Variants in PTPRN2 observed in about 807,000 individuals in gnomAD.
PTPRN2 encodes protein tyrosine phosphatase receptor type N2.
Under a neutral mutation model 118.8 loss-of-function variants are expected in PTPRN2, and 74 were observed. That is an observed-to-expected ratio of 0.62 (90% CI 0.52 to 0.76). PTPRN2 has a LOEUF of 0.76. Among genes scored for constraint, PTPRN2 ranks in the 30% least tolerant of loss-of-function variants. The pLI is 0.00. For synonymous variants in PTPRN2, 641 were observed against 608.0 expected (o/e 1.05, Z -0.80); for missense variants, 1,481 against 1,394.4 (o/e 1.06, Z -0.99).
intron 5 of PTPRN2, among the ~76,000 whole-genome samples, chr7:158,181,081 A>G (rs1221355234): frequency 1.3e-5 from 2 of 152,122 alleles, no homozygotes; most frequent in African/African-American, 4.8e-5. Flanking sequence ...TGGGTTTATC[A>G]TATATGGCTT....
rs151081559 is a variant in PTPRN2 at position 157,990,106 on chromosome 7, C to G, written c.1723+91192G>C. 1.3e-5 allele frequency among the ~76,000 whole-genome samples: 2 copies of G among 152,054 alleles called. No homozygotes were observed. Among genetic ancestry groups the G allele is most frequent in the Non-Finnish European group, 2.9e-5 (2 of 68,020 alleles). On this transcript the variant is annotated intron_variant, in intron 11 of 22. Transcript: ENST00000389418. The surrounding 1 kb of genome is among the most constrained non-coding windows in gnomAD (Gnocchi z 4.3). ...AAGAAAAATGCAAGTTGCTCTTCTG[C>G]GCTCCAAATACACCGAGACGAAAAC...
chr7:158,450,250 C>T (rs774745260), intron 2 of PTPRN2, among the ~76,000 whole-genome samples: 44 of 152,372 alleles, frequency 2.9e-4, no homozygotes, highest in Admixed American at 3.9e-4. Flanking sequence ...GGCCCAAAGG[C>T]CTCTCCTCCC....
chr7:157,980,734 C>G (rs1367049608), intron 11 of PTPRN2, among the ~76,000 whole-genome samples: 1 of 152,192 alleles, frequency 6.6e-6, no homozygotes, highest in East Asian at 1.9e-4. Context: ...GCCTGAGCAA[C>G]AGAGCAAGAC....
At chr7:158,344,620 T>C (rs1169282011) in intron 2 of PTPRN2, among the ~76,000 whole-genome samples, 1 of 151,902 alleles carries the variant, frequency 6.6e-6, no homozygotes, top group African/African-American at 2.4e-5. Flanking sequence ...ATGAGTGAGA[T>C]GTAAAAATCA....
At chr7:158,040,367 A>G (rs891981841) in intron 11 of PTPRN2, among the ~76,000 whole-genome samples, 18 of 151,764 alleles carry the variant, frequency 1.2e-4, no homozygotes, top group African/African-American at 4.4e-4. Flanking sequence ...ACACATGCAC[A>G]CACACACGTG....
intron 12 of PTPRN2, among the ~76,000 whole-genome samples, chr7:157,696,929 C>T (rs530821809): frequency 1.7e-5 from 2 of 115,094 alleles, no homozygotes; most frequent in African/African-American, 3.3e-5. Context: ...GAGCCCTCAC[C>T]GTCTACTCAT....
intron 12 of PTPRN2, among the ~76,000 whole-genome samples, chr7:157,725,796 G>A (rs1169407934): frequency 3.2e-4 from 39 of 122,188 alleles, no homozygotes; most frequent in African/African-American, 1.6e-3. Flanking sequence ...TCACCTCCCA[G>A]GAGAACTGGA....
At chr7:158,228,953 G>T (rs1441000830) in intron 3 of PTPRN2, among the ~76,000 whole-genome samples, 1 of 152,048 alleles carries the variant, frequency 6.6e-6, no homozygotes, top group Non-Finnish European at 1.5e-5. Context: ...CTGCAACTCG[G>T]TCAAAGAGGC....
intron 19 of PTPRN2, 148 bp downstream of exon 19, chr7:157,576,465 C>T (rs1233174328): frequency 1.8e-5 from 15 of 817,130 alleles, no homozygotes; most frequent in Non-Finnish European, 2.7e-5. Flanking sequence ...CGGAGTCTTC[C>T]CGCCTCTCGC....
chr7:158,546,444 C>A lies in PTPRN2; in HGVS notation c.112+41114G>T, dbSNP rs1381962998. The stretch of plus-strand genomic sequence containing the variant: ...CGGAATGGTGCTGGAATCACAGCCG[C>A]CGGGTTAAGGGGCTCATGGCGGAGG... On this transcript the variant is annotated intron_variant, in intron 1 of 22. Coordinates refer to ENST00000389418, the MANE Select transcript of PTPRN2 (RefSeq NM_002847.5). This position sits in a 1 kb window ranked among gnomAD's most constrained non-coding sequence, Gnocchi z 5.0. Among the ~76,000 whole-genome samples the A allele has an allele frequency of 6.6e-6, 1 of 152,214 alleles. No homozygotes were observed. The highest frequency in any genetic ancestry group is 1.5e-5 in the Non-Finnish European group (1 of 68,026).
chr7:158,250,913 T>C (rs529950953), intron 3 of PTPRN2, among the ~76,000 whole-genome samples: 13 of 152,216 alleles, frequency 8.5e-5, no homozygotes, highest in African/African-American at 2.6e-4. Flanking sequence ...CTTAAAGTGT[T>C]TGTGGGGAAA....
At chr7:158,344,512 G>A (rs893605124) in intron 2 of PTPRN2, among the ~76,000 whole-genome samples, 27 of 146,106 alleles carry the variant, frequency 1.8e-4, no homozygotes, top group Admixed American at 6.1e-4. Context: ...TATACTCGCC[G>A]GCATTTAATA....
chr7:158,009,376 A>G (rs539200429), intron 11 of PTPRN2, among the ~76,000 whole-genome samples: 1 of 152,252 alleles, frequency 6.6e-6, no homozygotes, highest in African/African-American at 2.4e-5. Flanking sequence ...TTCATTCTAC[A>G]TAGCAACTTG....
chr7:158,376,921 TC>T (rs1810575234), intron 2 of PTPRN2, among the ~76,000 whole-genome samples: 1 of 39,184 alleles, frequency 2.6e-5, no homozygotes, highest in Non-Finnish European at 5.4e-5. Context: ...CTGTCACACG[TC>T]CTGCACGCGG....
intron 2 of PTPRN2, among the ~76,000 whole-genome samples, chr7:158,365,861 C>CACACACAT (rs1361789098): frequency 1.4e-5 from 2 of 146,466 alleles, no homozygotes; most frequent in Non-Finnish European, 3.0e-5. Context: ...CACACACACA[C>CACACACAT]AGCATCCCTG....
intron 6 of PTPRN2, among the ~76,000 whole-genome samples, chr7:158,149,128 C>A (rs1352074233): frequency 1.3e-5 from 2 of 151,262 alleles, no homozygotes; most frequent in Admixed American, 6.6e-5. Context: ...CAATGACACC[C>A]CATCTCACGC....
intron 11 of PTPRN2, among the ~76,000 whole-genome samples, chr7:158,045,243 G>T (rs1452036237): frequency 6.6e-6 from 1 of 152,250 alleles, no homozygotes; most frequent in Non-Finnish European, 1.5e-5. Flanking sequence ...GTTTCCAGCA[G>T]GCAGCAACAA....
chr7:158,497,555 G>A (rs1822043595), intron 1 of PTPRN2, among the ~76,000 whole-genome samples: 2 of 152,138 alleles, frequency 1.3e-5, no homozygotes, highest in Admixed American at 1.3e-4. Context: ...GCAGGAGGAG[G>A]GATAATCACC....
rs770688897 is a variant in PTPRN2 at position 158,136,645 on chromosome 7, G to A, written c.1173+10C>T. On this transcript the variant is annotated intron_variant, in intron 8 of 22. Transcript: ENST00000389418. ...TTAACATGAAACAAACACCAGAGAC[G>A]TCATCTTACCTCTTGGTAAAGTCTA... is the stretch of plus-strand genomic sequence containing the variant. 12 of 1,611,292 alleles carry A rather than the reference G, an allele frequency of 7.4e-6. No individual in the cohort carries two copies. The highest frequency in any genetic ancestry group is 2.2e-5 in the East Asian group (1 of 44,878).
Sources: allele counts gnomAD v4.1 joint callset (sites outside exome capture counted in the v4.1 genomes callset), GRCh38; gene constraint gnomAD v4.1.1; non-coding constraint Gnocchi (gnomAD v3.1); transcripts MANE v1.5; gene names NCBI Gene and HGNC (gene_info 2026-07-23, HGNC 2026-07-21).